The following PDE1C variants were observed in gnomAD, a reference collection of about 807,000 sequenced individuals.
PDE1C encodes the protein phosphodiesterase 1C, also known as dual specificity calcium/calmodulin-dependent 3',5'-cyclic nucleotide phosphodiesterase 1C.
A neutral mutation model predicts 93.1 loss-of-function variants in PDE1C; 62 were observed. The ratio of observed to expected loss-of-function variants is 0.67; its 90% CI spans 0.54 to 0.82. The LOEUF (loss-of-function observed/expected upper bound fraction) is 0.82. Among genes scored for constraint, PDE1C ranks in the 40% least tolerant of loss-of-function variants. The probability of loss-of-function intolerance (pLI) is 0.00; values close to 1 mark genes in which losing one functional copy is unlikely to be tolerated. For synonymous variants in PDE1C, 325 were observed against 310.1 expected (o/e 1.05, Z -0.50); for missense variants, 742 against 884.6 (o/e 0.84, Z 2.04).
the PDE1C span, among the ~76,000 whole-genome samples, chr7:31,720,128 A>C: frequency 2.2e-5 from 3 of 135,222 alleles, no homozygotes; most frequent in African/African-American, 8.3e-5. Context: ...GCGCCACTGC[A>C]GTCCGCAGTC....
intron 1 of PDE1C, among the ~76,000 whole-genome samples, chr7:32,390,253 AATTAAT>A (rs1784724415): frequency 6.6e-6 from 1 of 152,082 alleles, no homozygotes; most frequent in African/African-American, 2.4e-5. Flanking sequence ...TTCTATATTA[AATTAAT>A]ATTAATATCA....
chr7:31,643,001 T>C, the PDE1C span: 1 of 1,614,030 alleles, frequency 6.2e-7, no homozygotes, highest in Admixed American at 1.7e-5. Context: ...TGGCAGCTTC[T>C]GCCAATGCCC....
At chr7:31,730,177 C>T in the PDE1C span, among the ~76,000 whole-genome samples, 1,212 of 152,242 alleles carry the variant, frequency 8.0e-3, 8 homozygotes, top group Non-Finnish European at 0.012. Flanking sequence ...TTGGTAGCTG[C>T]GAACGTGTTT....
chr7:31,874,364 C>A (rs1796289744), intron 5 of PDE1C, among the ~76,000 whole-genome samples: 2 of 152,194 alleles, frequency 1.3e-5, no homozygotes. Flanking sequence ...TTCACAGCAC[C>A]AAAATCTCAC....
chr7:32,215,644 C>T (rs577569064), intron 1 of PDE1C, among the ~76,000 whole-genome samples: 21 of 152,208 alleles, frequency 1.4e-4, no homozygotes, highest in South Asian at 1.0e-3. Flanking sequence ...GTCACAGCTA[C>T]GACACAAACA....
At chr7:31,743,062 T>G in the PDE1C span, among the ~76,000 whole-genome samples, 1 of 151,556 alleles carries the variant, frequency 6.6e-6, no homozygotes, top group Non-Finnish European at 1.5e-5. Flanking sequence ...CCTCCCTATC[T>G]CTATAGTTTT....
At chr7:31,951,245 C>T (rs1473244855) in intron 2 of PDE1C, among the ~76,000 whole-genome samples, 1 of 152,114 alleles carries the variant, frequency 6.6e-6, no homozygotes, top group East Asian at 1.9e-4. Flanking sequence ...AAATTTTGTC[C>T]ATATTTTTCA....
chr7:31,750,835 C>T (rs1302004144), downstream of PDE1C, among the ~76,000 whole-genome samples: 2 of 152,176 alleles, frequency 1.3e-5, no homozygotes, highest in Non-Finnish European at 2.9e-5. Flanking sequence ...AGGTTCACAC[C>T]ATTCTCCTGC....
chr7:32,091,145 T>C (rs1346222664), intron 3 of PDE1C, among the ~76,000 whole-genome samples: 1 of 152,228 alleles, frequency 6.6e-6, no homozygotes, highest in East Asian at 1.9e-4. Context: ...GAATACTCCT[T>C]GAATGAATTA....
At chr7:31,904,821 C>T (rs1245356512) in intron 2 of PDE1C, among the ~76,000 whole-genome samples, 1 of 152,066 alleles carries the variant, frequency 6.6e-6, no homozygotes, top group Non-Finnish European at 1.5e-5. Context: ...TGTCAATCAA[C>T]CATATTTGTT....
At chr7:32,080,848 A>G (rs1288088148) in intron 3 of PDE1C, among the ~76,000 whole-genome samples, 1 of 152,174 alleles carries the variant, frequency 6.6e-6, no homozygotes, top group Non-Finnish European at 1.5e-5. Flanking sequence ...GATTCTTGCT[A>G]ATAAAAAAGA....
upstream of PDE1C, among the ~76,000 whole-genome samples, chr7:32,075,547 A>G (rs1445881656): frequency 6.6e-6 from 1 of 152,070 alleles, no homozygotes. Flanking sequence ...GTTTGATTTT[A>G]TAATTTGGGG....
downstream of PDE1C, among the ~76,000 whole-genome samples, chr7:31,750,033 G>A (rs1794089489): frequency 1.3e-5 from 2 of 152,084 alleles, no homozygotes; most frequent in African/African-American, 4.8e-5. Flanking sequence ...ACCCCGTCTG[G>A]CCCTAATTTT....
chr7:31,837,141 A>C, intron 11 of PDE1C, 39 bp downstream of exon 11: 1 of 1,594,604 alleles, frequency 6.3e-7, no homozygotes, highest in Non-Finnish European at 8.6e-7. Context: ...TAAAATATCC[A>C]ATGATGACAG....
At chr7:32,161,421 A>G (rs978102223) in intron 3 of PDE1C, among the ~76,000 whole-genome samples, 7 of 152,112 alleles carry the variant, frequency 4.6e-5, no homozygotes, top group Non-Finnish European at 8.8e-5. Flanking sequence ...TGCTACCTTC[A>G]CACATCAAAT....
intron 1 of PDE1C, among the ~76,000 whole-genome samples, chr7:32,307,159 C>A (rs1813025866): frequency 6.6e-6 from 1 of 152,172 alleles, no homozygotes; most frequent in Non-Finnish European, 1.5e-5. Flanking sequence ...TTCTCAGTGA[C>A]CTAACACCAC....
chr7:31,700,166 C>T, the PDE1C span, among the ~76,000 whole-genome samples: 1 of 152,110 alleles, frequency 6.6e-6, no homozygotes, highest in African/African-American at 2.4e-5. Flanking sequence ...GTCTCTTGTA[C>T]CAACGAGTTA....
chr7:31,987,532 G>C (rs182637309), intron 2 of PDE1C, among the ~76,000 whole-genome samples: 1 of 152,290 alleles, frequency 6.6e-6, no homozygotes, highest in Non-Finnish European at 1.5e-5. Context: ...AAAGTCTCCA[G>C]CTGCAGTCTC....
chr7:31,949,485 AT>A (rs1013262257), intron 2 of PDE1C, among the ~76,000 whole-genome samples: 1 of 152,184 alleles, frequency 6.6e-6, no homozygotes, highest in African/African-American at 2.4e-5. Flanking sequence ...AAATAAAAAA[AT>A]AAATGACTGC....
Sources: allele counts gnomAD v4.1 joint callset (sites outside exome capture counted in the v4.1 genomes callset), GRCh38; gene constraint gnomAD v4.1.1; transcripts MANE v1.5; gene names NCBI Gene and HGNC (gene_info 2026-07-23, HGNC 2026-07-21).